Variants in LRP1B observed in about 807,000 individuals in gnomAD.
The protein encoded by LRP1B is low-density lipoprotein receptor-related protein 1B.
A neutral mutation model predicts 556.6 loss-of-function variants in LRP1B; 217 were observed. The observed-to-expected ratio is 0.39, with a 90% confidence interval of 0.35 to 0.44. The LOEUF is 0.44. Among genes scored for constraint, LRP1B ranks in the 20% least tolerant of loss-of-function variants. The probability of loss-of-function intolerance (pLI) is 1.00; values close to 1 mark genes in which losing one functional copy is unlikely to be tolerated. For missense variants in LRP1B, 5,053 were observed against 5,620.8 expected, an observed-to-expected ratio of 0.90 and a Z score of 3.23; for synonymous variants, 2,047 against 1,865.8, an observed-to-expected ratio of 1.10 and a Z score of -2.50.
chr2:140,754,577 A>G (rs1190537177), intron 35 of LRP1B, among the ~76,000 whole-genome samples: 2 of 152,178 alleles, frequency 1.3e-5, no homozygotes, highest in Non-Finnish European at 2.9e-5. Flanking sequence ...TAAATGACAA[A>G]TGAGTCAAAA....
intron 43 of LRP1B, among the ~76,000 whole-genome samples, chr2:140,593,099 C>T (rs986015734): frequency 6.6e-6 from 1 of 152,084 alleles, no homozygotes; most frequent in African/African-American, 2.4e-5. Flanking sequence ...TAAAAGAGTT[C>T]ATGTAATCAG....
At chr2:141,053,753 A>G (rs573244529) in intron 10 of LRP1B, among the ~76,000 whole-genome samples, 1 of 152,108 alleles carries the variant, frequency 6.6e-6, no homozygotes, top group South Asian at 2.1e-4. Context: ...GGACAATTGA[A>G]TAATAGGCAA....
At chr2:141,576,483 C>T (rs569555294) in intron 2 of LRP1B, among the ~76,000 whole-genome samples, 9 of 152,032 alleles carry the variant, frequency 5.9e-5, no homozygotes, top group South Asian at 2.1e-4. Flanking sequence ...ACTTAGAGGA[C>T]GGGTCAATAG....
intron 1 of LRP1B, among the ~76,000 whole-genome samples, chr2:142,014,533 C>T (rs767562747): frequency 7.9e-5 from 12 of 152,086 alleles, no homozygotes; most frequent in Non-Finnish European, 1.3e-4. Flanking sequence ...AACCTAGAAA[C>T]TGTTGTCAGA....
intron 69 of LRP1B, among the ~76,000 whole-genome samples, chr2:140,372,401 A>G (rs1683036119): frequency 6.6e-6 from 1 of 152,108 alleles, no homozygotes; most frequent in Admixed American, 6.6e-5. Flanking sequence ...GGTCATACAT[A>G]CATTATAGTA....
At chr2:140,884,223 T>C (rs1326829595) in intron 24 of LRP1B, among the ~76,000 whole-genome samples, 1 of 152,188 alleles carries the variant, frequency 6.6e-6, no homozygotes, top group Admixed American at 6.5e-5. Flanking sequence ...CCAGAAATCT[T>C]TAATCTAGTA....
intron 19 of LRP1B, among the ~76,000 whole-genome samples, chr2:140,951,496 G>A (rs1695712923): frequency 1.3e-5 from 2 of 152,044 alleles, no homozygotes; most frequent in Admixed American, 1.3e-4. Context: ...GACTATCTGG[G>A]TAATTTCATA....
chr2:140,665,768 G>A (rs1242964655), intron 41 of LRP1B, among the ~76,000 whole-genome samples: 1 of 152,026 alleles, frequency 6.6e-6, no homozygotes, highest in African/African-American at 2.4e-5. Context: ...ATCCTAAAAC[G>A]CATGCTAGAT....
rs115883082 is a variant in LRP1B at position 141,370,614 on chromosome 2, T to C, written c.343+109782A>G. 3.9e-3 allele frequency among the ~76,000 whole-genome samples: 590 copies of C among 152,298 alleles called. 4 individuals are homozygous for C. Among genetic ancestry groups the C allele is most frequent in the African/African-American group, 0.014 (562 of 41,582 alleles). Reference sequence around the variant, plus strand: ...TTCTGCAAGTTGTTGTTTCACTCCTTTGTTATTTCTTTTGCTGTGCAGAAG... The same window carrying C: ...TTCTGCAAGTTGTTGTTTCACTCCTCTGTTATTTCTTTTGCTGTGCAGAAG... On this transcript the variant is annotated intron_variant, in intron 3 of 90. Transcript: ENST00000389484.
rs544463231 is a variant in LRP1B at position 141,875,223 on chromosome 2, G to A, written c.83-64822C>T. The stretch of plus-strand genomic sequence containing the variant: ...TGGGGCCTTTCCATGTTGCCCAGGC[G>A]GGTCTCAAACTCCTGGGCTGAAGTG... On this transcript the variant is annotated intron_variant, in intron 1 of 90. Coordinates refer to ENST00000389484, the MANE Select transcript of LRP1B (RefSeq NM_018557.3). 6.6e-5 allele frequency among the ~76,000 whole-genome samples: 10 copies of A among 151,056 alleles called. 1 individual carries two copies. In the South Asian group the frequency reaches 1.2e-3, roughly 19 times the overall value.
chr2:141,571,770 T>TCTTC (rs1294136703), intron 2 of LRP1B, among the ~76,000 whole-genome samples: 2 of 151,752 alleles, frequency 1.3e-5, no homozygotes. Flanking sequence ...CAATACAAGA[T>TCTTC]CTTCGTAAAT....
At chr2:140,483,346 C>A (rs914327852) in intron 59 of LRP1B, among the ~76,000 whole-genome samples, 1 of 151,556 alleles carries the variant, frequency 6.6e-6, no homozygotes, top group African/African-American at 2.4e-5. Flanking sequence ...ATAACTGTAA[C>A]CTGGGAGAAA....
chr2:141,176,060 G>T (rs1012321802), intron 7 of LRP1B, among the ~76,000 whole-genome samples: 3 of 152,086 alleles, frequency 2.0e-5, no homozygotes, highest in Non-Finnish European at 2.9e-5. Context: ...TTTACCCAAT[G>T]CCTGTACCTC....
Position 141,371,141 on chromosome 2 carries a change from G to A in LRP1B, c.343+109255C>T, listed in dbSNP as rs1005380961. On this transcript the variant is annotated intron_variant, in intron 3 of 90. Transcript: ENST00000389484. ...TGGGATTACAGGCATGCACCACCAC[G>A]CCAGGTACATTTTTGTATTTTTAGT... 2.6e-5 allele frequency among the ~76,000 whole-genome samples: 4 copies of A among 152,070 alleles called. No individual in the cohort carries two copies. The South Asian group carries it at 8.3e-4, about 32-fold the overall frequency.
chr2:141,932,343 C>T (rs1310530916), intron 1 of LRP1B, among the ~76,000 whole-genome samples: 2 of 152,050 alleles, frequency 1.3e-5, no homozygotes, highest in East Asian at 1.9e-4. Context: ...TGACAGAGTA[C>T]ACCGTTCATT....
At chr2:140,642,175 C>A (rs1684319726) in intron 41 of LRP1B, among the ~76,000 whole-genome samples, 2 of 152,112 alleles carry the variant, frequency 1.3e-5, no homozygotes, top group African/African-American at 4.8e-5. Context: ...TTGTCAGTGC[C>A]AAATTGCCAG....
intron 21 of LRP1B, among the ~76,000 whole-genome samples, chr2:140,918,942 T>A (rs1407984646): frequency 6.6e-6 from 1 of 151,960 alleles, no homozygotes; most frequent in Non-Finnish European, 1.5e-5. Flanking sequence ...GATAGTCTCA[T>A]TTTCCACCTT....
chr2:141,709,248 C>T (rs902635716), intron 2 of LRP1B, among the ~76,000 whole-genome samples: 13 of 151,902 alleles, frequency 8.6e-5, no homozygotes, highest in Non-Finnish European at 7.4e-5. Context: ...ACTCAGGAGG[C>T]TGAGGCAGGA....
At chr2:141,212,248 GATTTTTT>G (rs1682589475) in intron 6 of LRP1B, among the ~76,000 whole-genome samples, 1 of 48,644 alleles carries the variant, frequency 2.1e-5, no homozygotes, top group African/African-American at 7.8e-5. Context: ...AAAAAGTCTA[GATTTTTT>G]TTTTTTTTTT....
Sources: gnomAD v4.1 joint callset for allele counts (sites outside exome capture counted in the v4.1 genomes callset) on GRCh38, gnomAD v4.1.1 for gene constraint, MANE v1.5 for transcripts, NCBI Gene and HGNC (gene_info 2026-07-23, HGNC 2026-07-21) for gene names.